The following CASR variants were observed in gnomAD, a reference collection of about 807,000 sequenced individuals.
CASR encodes the protein extracellular calcium-sensing receptor.
In CASR, 23 loss-of-function variants were observed where a neutral mutation model predicts 69.1. The ratio of observed to expected loss-of-function variants is 0.33; its 90% CI spans 0.24 to 0.47. CASR has a LOEUF of 0.47. Ranked by LOEUF, CASR falls within the 20% of genes least tolerant of loss-of-function variation. The pLI is 1.00. For synonymous variants in CASR, 541 were observed against 544.7 expected (o/e 0.99, Z 0.10); for missense variants, 924 against 1,356.1 (o/e 0.68, Z 5.00).
chr3:122,218,449 G>A (rs1438467839), intron 1 of CASR, among the ~76,000 whole-genome samples: 3 of 150,506 alleles, frequency 2.0e-5, no homozygotes, highest in Admixed American at 6.7e-5. Context: ...CAGGAGAATC[G>A]CTTGAACCAG....
In CASR at chr3:122,290,479, T is replaced by G. The variant is rs1445675351; in HGVS notation, c.*5288T>G. On this transcript the variant is annotated 3_prime_UTR_variant, in exon 7 of 7. Transcript: ENST00000639785. ...GACCTCTCATTATAAATGAGAAACT[T>G]ATAAATTATAAATATACACTCATTA... 6.6e-6 allele frequency: 1 copy of G among 152,230 alleles called. No homozygotes were observed. Among genetic ancestry groups the G allele is most frequent in the Non-Finnish European group, 1.5e-5 (1 of 68,032 alleles). 9.4% of individuals were successfully genotyped at this position (152,230 alleles called of 1,614,324 possible).
intron 1 of CASR, among the ~76,000 whole-genome samples, chr3:122,231,526 A>G (rs1202145629): frequency 6.6e-6 from 1 of 152,254 alleles, no homozygotes; most frequent in Non-Finnish European, 1.5e-5. Context: ...TGTGTGGACA[A>G]TGAGGAGACA....
intron 1 of CASR, among the ~76,000 whole-genome samples, chr3:122,243,702 T>C (rs564450518): frequency 1.3e-5 from 2 of 152,142 alleles, no homozygotes; most frequent in Non-Finnish European, 2.9e-5. Context: ...AGGAAATCAG[T>C]ATATCAAAGG....
At chr3:122,206,365 G>C (rs59321546) in intron 1 of CASR, among the ~76,000 whole-genome samples, 23,631 of 151,756 alleles carry the variant, frequency 0.16, 1,857 homozygotes, top group Non-Finnish European at 0.17. Context: ...CTGTTAATGT[G>C]ATGTTTCATG....
chr3:122,243,631 T>C (rs4045771), intron 1 of CASR, among the ~76,000 whole-genome samples: 78,169 of 151,824 alleles, frequency 0.51, 21,242 homozygotes, highest in Admixed American at 0.66. Context: ...CTCAAAAAAC[T>C]AAAAATAGAG....
intron 1 of CASR, among the ~76,000 whole-genome samples, chr3:122,201,817 G>A (rs941553512): frequency 1.1e-4 from 16 of 151,698 alleles, no homozygotes; most frequent in Admixed American, 6.6e-4. Flanking sequence ...CATCTCAGAC[G>A]ATGGGCGGCC....
chr3:122,213,896 A>G (rs1442285421), intron 1 of CASR, among the ~76,000 whole-genome samples: 2 of 152,152 alleles, frequency 1.3e-5, no homozygotes, highest in African/African-American at 4.8e-5. Context: ...ACCTGAGAAT[A>G]GGTTTCTCAT....
chr3:122,205,209 C>T (rs774553414), intron 1 of CASR, among the ~76,000 whole-genome samples: 3 of 151,944 alleles, frequency 2.0e-5, no homozygotes, highest in Admixed American at 6.6e-5. Context: ...TTCATAGTTT[C>T]GGGTCTTATA....
chr3:122,252,456 AAAGAAAGAAAAGAAAAGAAGGGAGGGAG>A (rs2074506882), intron 1 of CASR, among the ~76,000 whole-genome samples: 5 of 88,092 alleles, frequency 5.7e-5, no homozygotes, highest in Non-Finnish European at 1.2e-4. Context: ...AAAAAAAAGA[AAAGAAAGAAAAGAAAAGAAGGGAGGGAG>A]GGAAGGAAGG....
intron 1 of CASR, among the ~76,000 whole-genome samples, chr3:122,221,461 A>C (rs2074171127): frequency 1.3e-5 from 2 of 152,230 alleles, no homozygotes; most frequent in South Asian, 4.1e-4. Context: ...ACAGAGGTTC[A>C]GAGGAAGTTC....
At chr3:122,230,243 A>C (rs2074266044) in intron 1 of CASR, among the ~76,000 whole-genome samples, 1 of 152,224 alleles carries the variant, frequency 6.6e-6, no homozygotes, top group South Asian at 2.1e-4. Flanking sequence ...ACTCGCATGG[A>C]CCAGTAAAGC....
chr3:122,271,435 C>T (rs1245123782), intron 4 of CASR, among the ~76,000 whole-genome samples: 4 of 152,166 alleles, frequency 2.6e-5, no homozygotes, highest in Non-Finnish European at 4.4e-5. Context: ...CTGCCACATC[C>T]GAAGTTGGAC....
At chr3:122,237,428 A>G (rs1270576982) in intron 1 of CASR, among the ~76,000 whole-genome samples, 1 of 152,142 alleles carries the variant, frequency 6.6e-6, no homozygotes, top group Non-Finnish European at 1.5e-5. Flanking sequence ...AATTCCACAG[A>G]GCTCTTCCTT....
rs780374949 is a variant in CASR at position 122,284,096 on chromosome 3, C to T, written c.2142C>T (p.Phe714=). 3.7e-6 allele frequency: 6 copies of T among 1,614,074 alleles called. No homozygotes were observed. In the East Asian group the frequency reaches 1.1e-4, roughly 30 times the overall value. The stretch of plus-strand genomic sequence containing the variant: ...TTGAGGCCAAGATCCCCACCAGCTT[C>T]CACCGCAAGTGGTGGGGGCTCAACC... ...LVFEAKIPTS[F]HRKWWGLNLQ... The change falls in exon 7 of 7, where the codon TTC becomes TTT. Residue 714 remains phenylalanine, a synonymous_variant. Transcript: ENST00000639785.
chr3:122,271,939 C>T (rs1202929195), intron 4 of CASR, among the ~76,000 whole-genome samples: 1 of 152,104 alleles, frequency 6.6e-6, no homozygotes, highest in Non-Finnish European at 1.5e-5. Flanking sequence ...AAATAGTATC[C>T]CATTGTGTGG....
rs2074562595 is a variant in CASR at position 122,257,124 on chromosome 3, G to T, written c.229G>T (p.Ala77Ser). Reference sequence around the variant, plus strand: ...TCGCTGGTTACAGGCTATGATATTTGCCATAGAGGAGATAAACAGCAGCCC... The same window carrying T: ...TCGCTGGTTACAGGCTATGATATTTTCCATAGAGGAGATAAACAGCAGCCC... ...GFRWLQAMIF[A>S]IEEINSSPAL... The change falls in exon 3 of 7, where the codon GCC becomes TCC. Residue 77 changes from alanine (A) to serine (S), a missense_variant. Transcript: ENST00000639785. The T allele has an allele frequency of 6.2e-7, 1 of 1,614,094 alleles. No individual in the cohort carries two copies. Among genetic ancestry groups the T allele is most frequent in the Non-Finnish European group, 8.5e-7 (1 of 1,180,006 alleles).
intron 1 of CASR, among the ~76,000 whole-genome samples, chr3:122,192,854 T>C (rs2073852556): frequency 6.6e-6 from 1 of 152,222 alleles, no homozygotes; most frequent in Non-Finnish European, 1.5e-5. Flanking sequence ...CTCTTTTCTC[T>C]GCTCTTCTCA....
In CASR at chr3:122,287,755, A is replaced by T. The variant is rs1559971821; in HGVS notation, c.*2564A>T. ...GTTTTCACGCATGCCTCACTGTCCT[A>T]ACCAGTCGGTCCCTGTGGGGCCTGC... On this transcript the variant is annotated 3_prime_UTR_variant, in exon 7 of 7. Transcript: ENST00000639785. 6.6e-6 allele frequency: 1 copy of T among 152,252 alleles called. No homozygotes were observed. The highest frequency in any genetic ancestry group is 1.5e-5 in the Non-Finnish European group (1 of 68,096). The allele number at this position is 152,252 out of a possible 1,614,324, so 9.4% of individuals were successfully genotyped here. A position where few individuals can be genotyped will look rare whatever the true frequency, so the allele number is the denominator to read the frequency against.
At chr3:122,283,631 C>T in intron 6 of CASR, 56 bp from the exon 7 acceptor site, 2 of 1,408,398 alleles carry the variant, frequency 1.4e-6, no homozygotes, top group Non-Finnish European at 2.0e-6. Flanking sequence ...CATGTACACT[C>T]ACACATTTTA....
Sources: gnomAD v4.1 joint callset for allele counts (sites outside exome capture counted in the v4.1 genomes callset) on GRCh38, gnomAD v4.1.1 for gene constraint, MANE v1.5 for transcripts, NCBI Gene and HGNC (gene_info 2026-07-23, HGNC 2026-07-21) for gene names.